Variants in RPS6KC1 observed in about 807,000 individuals in gnomAD.
RPS6KC1 encodes ribosomal protein S6 kinase C1.
In RPS6KC1, 54 loss-of-function variants were observed where a neutral mutation model predicts 103.8. That is an observed-to-expected ratio of 0.52 (90% CI 0.42 to 0.65). The LOEUF (loss-of-function observed/expected upper bound fraction) is 0.65. Among genes scored for constraint, RPS6KC1 ranks in the 30% least tolerant of loss-of-function variants. RPS6KC1 has a pLI of 0.00. For synonymous variants in RPS6KC1, 439 were observed against 438.7 expected (o/e 1.00, Z -0.01); for missense variants, 1,151 against 1,253.8 (o/e 0.92, Z 1.24).
At chr1:213,085,259 T>A (rs2080279548) in intron 3 of RPS6KC1, among the ~76,000 whole-genome samples, 1 of 152,198 alleles carries the variant, frequency 6.6e-6, no homozygotes, top group South Asian at 2.1e-4. Flanking sequence ...CATCTTCATA[T>A]TTCCCTCTTT....
At chr1:213,063,906 T>G (rs1336136408) in intron 1 of RPS6KC1, among the ~76,000 whole-genome samples, 1 of 152,166 alleles carries the variant, frequency 6.6e-6, no homozygotes, top group African/African-American at 2.4e-5. Context: ...CTTTTTTTTT[T>G]GTATTTTTAG....
chr1:213,468,531 T>C, the RPS6KC1 span, among the ~76,000 whole-genome samples: 3 of 152,182 alleles, frequency 2.0e-5, no homozygotes, highest in African/African-American at 7.2e-5. Flanking sequence ...ATAGATCAGT[T>C]TCTATAGGTT....
chr1:213,831,829 C>T, the RPS6KC1 span, among the ~76,000 whole-genome samples: 1 of 152,134 alleles, frequency 6.6e-6, no homozygotes, highest in Admixed American at 6.5e-5. Flanking sequence ...AAAAAGTTGA[C>T]AAAGTGCAGC....
chr1:213,575,585 T>A, the RPS6KC1 span, among the ~76,000 whole-genome samples: 1 of 152,246 alleles, frequency 6.6e-6, no homozygotes, highest in Non-Finnish European at 1.5e-5. Context: ...AGGATGTGTT[T>A]GCTTCCCCTT....
chr1:213,217,393 C>T (rs1283567428), intron 8 of RPS6KC1, among the ~76,000 whole-genome samples: 1 of 151,952 alleles, frequency 6.6e-6, no homozygotes, highest in African/African-American at 2.4e-5. Context: ...GCTTACCAAC[C>T]AAAAAAAGTC....
At chr1:213,311,556 T>A in the RPS6KC1 span, among the ~76,000 whole-genome samples, 2 of 152,098 alleles carry the variant, frequency 1.3e-5, no homozygotes, top group Admixed American at 6.5e-5. Context: ...TTGTCAGACT[T>A]GTAGTGGGAA....
the RPS6KC1 span, among the ~76,000 whole-genome samples, chr1:213,640,684 T>C: frequency 1.3e-5 from 2 of 151,904 alleles, no homozygotes; most frequent in South Asian, 4.1e-4. Flanking sequence ...TCCACATGTT[T>C]GAAGATTTTC....
At chr1:213,423,685 A>G in the RPS6KC1 span, among the ~76,000 whole-genome samples, 1 of 152,302 alleles carries the variant, frequency 6.6e-6, no homozygotes, top group East Asian at 1.9e-4. Context: ...TGTTAGTTCC[A>G]AGTGTTAGCA....
At chr1:213,825,186 C>G in the RPS6KC1 span, among the ~76,000 whole-genome samples, 1 of 152,196 alleles carries the variant, frequency 6.6e-6, no homozygotes, top group Admixed American at 6.5e-5. Flanking sequence ...CACATCTACC[C>G]CACCTTGCTC....
chr1:213,509,885 T>C, the RPS6KC1 span, among the ~76,000 whole-genome samples: 1 of 152,246 alleles, frequency 6.6e-6, no homozygotes. Flanking sequence ...ATCTCTTTTA[T>C]TGAAGCACAT....
At chr1:213,618,160 TTA>T in the RPS6KC1 span, among the ~76,000 whole-genome samples, 1 of 152,214 alleles carries the variant, frequency 6.6e-6, no homozygotes, top group African/African-American at 2.4e-5. Context: ...AGGTGTTTCT[TTA>T]TTTGAAATGG....
At chr1:213,672,214 A>G in the RPS6KC1 span, among the ~76,000 whole-genome samples, 2 of 152,030 alleles carry the variant, frequency 1.3e-5, no homozygotes, top group African/African-American at 4.8e-5. Context: ...TACTCAACAC[A>G]TCCTCTCCTA....
the RPS6KC1 span, among the ~76,000 whole-genome samples, chr1:213,519,658 T>G: frequency 7.2e-5 from 11 of 152,124 alleles, no homozygotes; most frequent in Non-Finnish European, 1.5e-5. Context: ...AGCCAGATCC[T>G]CTCCCCTGCA....
At chr1:213,448,268 C>G in the RPS6KC1 span, among the ~76,000 whole-genome samples, 1 of 89,800 alleles carries the variant, frequency 1.1e-5, no homozygotes, top group African/African-American at 3.7e-5. Context: ...AAAAAAGAAA[C>G]TATTTGTGGT....
chr1:213,523,742 GGTAA>G, the RPS6KC1 span, among the ~76,000 whole-genome samples: 1 of 152,166 alleles, frequency 6.6e-6, no homozygotes, highest in Non-Finnish European at 1.5e-5. Context: ...TGCTGTAAGT[GGTAA>G]GTAAGAAGCT....
At chr1:213,837,026 T>C in the RPS6KC1 span, among the ~76,000 whole-genome samples, 1 of 152,128 alleles carries the variant, frequency 6.6e-6, no homozygotes, top group Non-Finnish European at 1.5e-5. Flanking sequence ...ACAAGAGAAG[T>C]GGAATTTATG....
chr1:213,708,070 C>T, the RPS6KC1 span, among the ~76,000 whole-genome samples: 1 of 152,102 alleles, frequency 6.6e-6, no homozygotes, highest in Non-Finnish European at 1.5e-5. Flanking sequence ...TTTTCCAATT[C>T]TGTGAAGAAA....
chr1:213,631,389 A>AAAAT, the RPS6KC1 span, among the ~76,000 whole-genome samples: 1 of 151,770 alleles, frequency 6.6e-6, no homozygotes, highest in East Asian at 1.9e-4. Context: ...AAAAAAAAAA[A>AAAAT]AAAATAGATT....
chr1:213,395,642 T>C, the RPS6KC1 span, among the ~76,000 whole-genome samples: 2 of 152,222 alleles, frequency 1.3e-5, no homozygotes, highest in African/African-American at 4.8e-5. Flanking sequence ...CCAATTTCTG[T>C]AGTGTAAATA....
Sources: allele counts gnomAD v4.1 joint callset (sites outside exome capture counted in the v4.1 genomes callset), GRCh38; gene constraint gnomAD v4.1.1; transcripts MANE v1.5; gene names NCBI Gene and HGNC (gene_info 2026-07-23, HGNC 2026-07-21).